The following DCC variants were observed in gnomAD, a reference collection of about 807,000 sequenced individuals.
DCC encodes the protein netrin receptor DCC.
In DCC, 58 loss-of-function variants were observed where a neutral mutation model predicts 172.5. That is an observed-to-expected ratio of 0.34 (90% CI 0.27 to 0.42). The LOEUF (loss-of-function observed/expected upper bound fraction) is 0.42, where lower values mean the gene tolerates loss of function less well. Among genes scored for constraint, DCC ranks in the 10% least tolerant of loss-of-function variants. DCC has a pLI of 1.00. For missense variants in DCC, 1,740 were observed against 1,791.0 expected (o/e 0.97, Z 0.51); for synonymous variants, 709 against 644.5 (o/e 1.10, Z -1.52).
At chr18:53,526,368 A>G (rs1836690155) in intron 27 of DCC, among the ~76,000 whole-genome samples, 1 of 152,124 alleles carries the variant, frequency 6.6e-6, no homozygotes, top group African/African-American at 2.4e-5. Flanking sequence ...TTTCCACAGC[A>G]TGATTTGGAA....
intron 2 of DCC, among the ~76,000 whole-genome samples, chr18:52,831,447 A>C (rs773670752): frequency 2.1e-4 from 32 of 152,174 alleles, no homozygotes; most frequent in Non-Finnish European, 4.1e-4. Context: ...AAGCCAGTTA[A>C]GCTGTTGCAA....
intron 2 of DCC, among the ~76,000 whole-genome samples, chr18:52,878,790 A>G (rs905508847): frequency 2.8e-4 from 43 of 152,352 alleles, no homozygotes; most frequent in Non-Finnish European, 2.2e-4. Context: ...ACAATTGTTG[A>G]AAAAGTAATT....
At chr18:52,842,979 AT>A (rs2038830924) in intron 2 of DCC, among the ~76,000 whole-genome samples, 1 of 152,192 alleles carries the variant, frequency 6.6e-6, no homozygotes, top group African/African-American at 2.4e-5. Context: ...TTGGTTACTA[AT>A]TTAGGTGCTT....
At chr18:53,107,829 G>A (rs1055298654) in intron 7 of DCC, among the ~76,000 whole-genome samples, 1 of 151,792 alleles carries the variant, frequency 6.6e-6, no homozygotes, top group African/African-American at 2.4e-5. Context: ...TAAGGGCTAT[G>A]ATTTTCCTGT....
At chr18:53,428,549 A>T (rs534930322) in intron 21 of DCC, among the ~76,000 whole-genome samples, 2 of 24,656 alleles carry the variant, frequency 8.1e-5, no homozygotes, top group African/African-American at 1.3e-4. Flanking sequence ...TATATATATA[A>T]ATATATTTAT....
rs77205948 is a variant in DCC, at chr18:52,770,698, T to C, written c.412+18324T>C. On this transcript the variant is annotated intron_variant, in intron 2 of 28. Coordinates refer to ENST00000442544, the MANE Select transcript of DCC (RefSeq NM_005215.4). ...CTGGAGCCCAGGACTTCTCTATTCA[T>C]CTAGGAGTGAAGTAATCCAATGAAA... is the stretch of plus-strand genomic sequence containing the variant. Among the ~76,000 whole-genome samples, 234 of 152,344 alleles carry C rather than the reference T, an allele frequency of 1.5e-3. No homozygotes were observed. The East Asian group carries it at 0.021, about 14-fold the overall frequency.
chr18:52,394,578 C>T (rs1986150000), intron 1 of DCC, among the ~76,000 whole-genome samples: 1 of 151,886 alleles, frequency 6.6e-6, no homozygotes, highest in Admixed American at 6.6e-5. Flanking sequence ...CACCTAGCCT[C>T]AGATTTGTAA....
At position 53,455,358 on chromosome 18, in the gene DCC, TG is replaced by T. The variant is rs2045470434; in HGVS notation, c.3393-3873del. On this transcript the variant is annotated intron_variant, in intron 23 of 28. Coordinates refer to ENST00000442544, the MANE Select transcript of DCC (RefSeq NM_005215.4). ...CCAAAATAACCTATATGGTAACAGC[TG>T]CATTTTAGAACTTCAATGGACACAG... Among the ~76,000 whole-genome samples, 7 of 152,340 alleles carry T rather than the reference TG, an allele frequency of 4.6e-5. No homozygotes were observed. The South Asian group carries it at 1.5e-3, about 32-fold the overall frequency.
Position 52,765,199 on chromosome 18 carries a change from A to ATTTTTTTTTT in DCC, c.412+12825_412+12826insTTTTTTTTTT, listed in dbSNP as rs369735420. On this transcript the variant is annotated intron_variant, in intron 2 of 28. Coordinates refer to ENST00000442544, the MANE Select transcript of DCC (RefSeq NM_005215.4). Reference sequence around the variant, plus strand: ...CAGGCATGTGCTAGCACTCCTGGCTAATTTTTTTTTTTTTTTTTTGTATTT... The same window carrying ATTTTTTTTTT: ...CAGGCATGTGCTAGCACTCCTGGCTATTTTTTTTTTATTTTTTTTTTTTTTTTTTGTATTT... Among the ~76,000 whole-genome samples the ATTTTTTTTTT allele has an allele frequency of 1.9e-3, 229 of 119,882 alleles. 3 individuals are homozygous for ATTTTTTTTTT. The highest frequency in any genetic ancestry group is 2.8e-3 in the Non-Finnish European group (167 of 59,748). 78.6% of individuals were successfully genotyped at this position (119,882 alleles called of 152,430 possible).
intron 9 of DCC, among the ~76,000 whole-genome samples, chr18:53,195,686 T>C (rs1267353145): frequency 6.7e-6 from 1 of 150,158 alleles, no homozygotes; most frequent in Admixed American, 6.7e-5. Context: ...CCATTCCTCC[T>C]GATGTGTCCT....
intron 2 of DCC, among the ~76,000 whole-genome samples, chr18:52,874,561 A>T (rs1453197332): frequency 1.3e-5 from 2 of 152,212 alleles, no homozygotes; most frequent in Non-Finnish European, 2.9e-5. Flanking sequence ...TTAATTTTTC[A>T]TCTAGTTCTC....
At chr18:52,466,252 C>A (rs562384071) in intron 1 of DCC, among the ~76,000 whole-genome samples, 3 of 151,986 alleles carry the variant, frequency 2.0e-5, no homozygotes, top group Non-Finnish European at 2.9e-5. Flanking sequence ...CGGCAGGGGG[C>A]CACGAAGACA....
At chr18:53,251,995 G>T (rs1379781680) in intron 12 of DCC, among the ~76,000 whole-genome samples, 1 of 151,836 alleles carries the variant, frequency 6.6e-6, no homozygotes, top group African/African-American at 2.4e-5. Context: ...ATAATCCCAG[G>T]AAGATGTTCT....
At chr18:53,037,494 T>C (rs544819640) in intron 5 of DCC, among the ~76,000 whole-genome samples, 1 of 152,080 alleles carries the variant, frequency 6.6e-6, no homozygotes, top group Admixed American at 6.6e-5. Flanking sequence ...CGCTCTGTTA[T>C]CCATTTGCAT....
chr18:52,612,013 C>A (rs948324048), intron 1 of DCC, among the ~76,000 whole-genome samples: 25 of 151,962 alleles, frequency 1.6e-4, no homozygotes, highest in African/African-American at 6.0e-4. Context: ...TATGCTTTTC[C>A]CTACAAGATT....
At chr18:53,021,668 T>C (rs1167412642) in intron 5 of DCC, among the ~76,000 whole-genome samples, 1 of 152,212 alleles carries the variant, frequency 6.6e-6, no homozygotes. Flanking sequence ...ACTCAACTAC[T>C]TAATTTTGAA....
intron 12 of DCC, among the ~76,000 whole-genome samples, chr18:53,272,044 A>T (rs1370652871): frequency 6.6e-6 from 1 of 152,138 alleles, no homozygotes; most frequent in East Asian, 1.9e-4. Flanking sequence ...TTTCAGTTAC[A>T]CCCTCTGTGC....
In DCC at chr18:52,923,957, G is replaced by A. The variant is rs2040162652; in HGVS notation, c.848+100G>A. On this transcript the variant is annotated intron_variant, in intron 4 of 28. Coordinates refer to ENST00000442544, the MANE Select transcript of DCC (RefSeq NM_005215.4). ...TGATATAAGTACCTACAGTACTAGG[G>A]TTTTTCATAATAATTGAATATTTTT... 13 of 858,866 alleles carry A rather than the reference G, an allele frequency of 1.5e-5. No homozygotes were observed. In the South Asian group the frequency reaches 1.8e-4, roughly 12 times the overall value. 53.2% of individuals were successfully genotyped at this position (858,866 alleles called of 1,614,324 possible).
chr18:52,818,901 T>C (rs2038353414), intron 2 of DCC, among the ~76,000 whole-genome samples: 1 of 152,234 alleles, frequency 6.6e-6, no homozygotes, highest in East Asian at 1.9e-4. Context: ...TGAATCATTC[T>C]ATCAATTACA....
Sources: allele counts gnomAD v4.1 joint callset (sites outside exome capture counted in the v4.1 genomes callset), GRCh38; gene constraint gnomAD v4.1.1; transcripts MANE v1.5; gene names NCBI Gene and HGNC (gene_info 2026-07-23, HGNC 2026-07-21).